The following ACSM1 variants were observed in gnomAD, a reference collection of about 807,000 sequenced individuals.
ACSM1 encodes acyl-coenzyme A synthetase ACSM1, mitochondrial.
A neutral mutation model predicts 75.8 loss-of-function variants in ACSM1; 79 were observed. That is an observed-to-expected ratio of 1.04 (90% CI 0.87 to 1.26). The LOEUF is 1.26. ACSM1 is among the 50% of genes most tolerant of loss of function. The pLI, the probability that ACSM1 is intolerant of heterozygous loss-of-function variation, is 0.00. For synonymous variants in ACSM1, 279 were observed against 265.8 expected (o/e 1.05, Z -0.48); for missense variants, 676 against 720.1 (o/e 0.94, Z 0.70).
chr16:20,623,680 C>A (rs1015922306), intron 13 of ACSM1, 108 bp from the exon 14 acceptor site: 2 of 1,145,014 alleles, frequency 1.7e-6, no homozygotes, highest in East Asian at 4.8e-5. Flanking sequence ...CAGGCTGACA[C>A]CATATGGTGG....
chr16:20,636,352 T>C (rs2017704815), intron 10 of ACSM1, among the ~76,000 whole-genome samples: 1 of 152,224 alleles, frequency 6.6e-6, no homozygotes. Context: ...GGGCTTTTAA[T>C]CTGCAGCTTT....
intron 4 of ACSM1, chr16:20,682,034 T>G: frequency 2.1e-6 from 1 of 480,428 alleles, no homozygotes; most frequent in South Asian, 2.5e-5. Context: ...CTCACTTCTG[T>G]AGTAAGCTTC....
intron 7 of ACSM1, among the ~76,000 whole-genome samples, chr16:20,641,639 C>A (rs1383876165): frequency 1.3e-5 from 2 of 152,226 alleles, no homozygotes; most frequent in Non-Finnish European, 2.9e-5. Context: ...GGGCTCGGGG[C>A]CTTCACAGCC....
intron 10 of ACSM1, among the ~76,000 whole-genome samples, chr16:20,628,233 A>G (rs1443201372): frequency 1.3e-5 from 2 of 152,110 alleles, no homozygotes; most frequent in South Asian, 2.1e-4. Flanking sequence ...GCAAAACCAT[A>G]TGATCAGTAT....
In ACSM1 at chr16:20,691,091, G is replaced by A. The variant is rs1276383363; in HGVS notation, c.98C>T (p.Ser33Leu). The change falls in exon 2 of 14, where the codon TCA becomes TTA. Residue 33 changes from serine (S) to leucine (L), a missense_variant. Coordinates refer to ENST00000520010, the MANE Select transcript of ACSM1 (RefSeq NM_001318890.3). Reference sequence around the variant, plus strand: ...ATTCCATCTTGGGGCTCCAAATTCTGATAAAGACCGGCAGCGCAGCTGTGA... The same window carrying A: ...ATTCCATCTTGGGGCTCCAAATTCTAATAAAGACCGGCAGCGCAGCTGTGA... ...APSQLRCRSLSEFGAPRWNDY... is the reference protein window; with the variant it reads ...APSQLRCRSLLEFGAPRWNDY... The A allele has an allele frequency of 1.2e-6, 2 of 1,613,526 alleles. No individual in the cohort carries two copies. The highest frequency in any genetic ancestry group is 1.7e-6 in the Non-Finnish European group (2 of 1,179,816).
intron 11 of ACSM1, among the ~76,000 whole-genome samples, chr16:20,626,113 T>C (rs1047527483): frequency 2.6e-5 from 4 of 152,060 alleles, no homozygotes; most frequent in African/African-American, 9.7e-5. Context: ...AGGCTGGGCA[T>C]GGTGGCTCAC....
chr16:20,663,510 C>T (rs531836297), intron 6 of ACSM1, among the ~76,000 whole-genome samples: 9 of 152,252 alleles, frequency 5.9e-5, no homozygotes, highest in African/African-American at 1.2e-4. Context: ...GTAGCCTCCA[C>T]GGCCTTGTGT....
At chr16:20,662,547 G>C (rs1035661948) in intron 6 of ACSM1, among the ~76,000 whole-genome samples, 1 of 152,132 alleles carries the variant, frequency 6.6e-6, no homozygotes, top group Admixed American at 6.6e-5. Context: ...CTAAGAGAGT[G>C]AAGAACAGTA....
At chr16:20,683,967 T>C (rs2152315718) in intron 3 of ACSM1, among the ~76,000 whole-genome samples, 1 of 152,280 alleles carries the variant, frequency 6.6e-6, no homozygotes, top group South Asian at 2.1e-4. Context: ...TGATTTCACA[T>C]GATCTGGCTG....
chr16:20,682,539 C>A, intron 3 of ACSM1, 76 bp from the exon 4 acceptor site: 2 of 1,149,070 alleles, frequency 1.7e-6, no homozygotes, highest in Non-Finnish European at 1.3e-6. Flanking sequence ...TTGTCTGCAT[C>A]GAAATACCCT....
intron 2 of ACSM1, among the ~76,000 whole-genome samples, chr16:20,685,832 C>CAAAAAAAAAA (rs1469791653): frequency 1.4e-5 from 1 of 72,132 alleles, no homozygotes. Flanking sequence ...AAAAAAAAAA[C>CAAAAAAAAAA]AAACAAAAAA....
At chr16:20,677,930 C>T (rs2079340752) in intron 4 of ACSM1, among the ~76,000 whole-genome samples, 1 of 152,020 alleles carries the variant, frequency 6.6e-6, no homozygotes, top group Non-Finnish European at 1.5e-5. Flanking sequence ...AATTCTACAG[C>T]TCTTAAATGC....
intron 7 of ACSM1, among the ~76,000 whole-genome samples, chr16:20,655,711 G>A (rs2018922286): frequency 6.6e-6 from 1 of 152,098 alleles, no homozygotes; most frequent in Non-Finnish European, 1.5e-5. Context: ...CACCCAGGCT[G>A]GAGTGCAGTG....
chr16:20,696,579 A>G (rs984710378), intron 1 of ACSM1, among the ~76,000 whole-genome samples: 1 of 152,248 alleles, frequency 6.6e-6, no homozygotes, highest in Non-Finnish European at 1.5e-5. Context: ...TTGGAGATTA[A>G]TTAAACTGAA....
chr16:20,696,162 T>G (rs2079688693), intron 1 of ACSM1, among the ~76,000 whole-genome samples: 1 of 152,232 alleles, frequency 6.6e-6, no homozygotes, highest in Non-Finnish European at 1.5e-5. Flanking sequence ...CTTTGTGGGT[T>G]TGTGTAAGTA....
At chr16:20,688,227 C>T (rs971524431) in intron 2 of ACSM1, among the ~76,000 whole-genome samples, 2 of 151,854 alleles carry the variant, frequency 1.3e-5, no homozygotes, top group African/African-American at 2.4e-5. Flanking sequence ...TAAACATAGA[C>T]AGGTCATTTA....
intron 6 of ACSM1, among the ~76,000 whole-genome samples, chr16:20,663,611 A>T (rs547606217): frequency 7.2e-5 from 11 of 152,264 alleles, no homozygotes; most frequent in South Asian, 4.2e-4. Context: ...TCGCCCTGAA[A>T]TGCTGTGATT....
At chr16:20,641,753 G>T (rs565695916) in intron 7 of ACSM1, among the ~76,000 whole-genome samples, 109 of 152,234 alleles carry the variant, frequency 7.2e-4, no homozygotes, top group African/African-American at 2.6e-3. Context: ...CCTGGTGTTG[G>T]GCCTGATCAG....
intron 5 of ACSM1, 27 bp from the exon 6 acceptor site, chr16:20,670,013 C>T: frequency 6.2e-7 from 1 of 1,612,094 alleles, no homozygotes; most frequent in South Asian, 1.1e-5. Context: ...GTGGCCTCAG[C>T]TGTGTGATCA....
Sources: gnomAD v4.1 joint callset for allele counts (sites outside exome capture counted in the v4.1 genomes callset) on GRCh38, gnomAD v4.1.1 for gene constraint, MANE v1.5 for transcripts, NCBI Gene and HGNC (gene_info 2026-07-23, HGNC 2026-07-21) for gene names.